NKAIN2: variants seen among roughly 807,000 people sequenced by gnomAD.
The protein encoded by NKAIN2 is sodium/potassium-transporting ATPase subunit beta-1-interacting protein 2.
Under a neutral mutation model 32.6 loss-of-function variants are expected in NKAIN2, and 14 were observed. That is an observed-to-expected ratio of 0.43 (90% CI 0.28 to 0.67). The LOEUF (loss-of-function observed/expected upper bound fraction) is 0.67, where lower values mean the gene tolerates loss of function less well. NKAIN2 is among the 30% of genes least tolerant of loss of function. NKAIN2 has a pLI of 0.17. For missense variants in NKAIN2, 198 were observed against 258.3 expected, an observed-to-expected ratio of 0.77 and a Z score of 1.60; for synonymous variants, 80 against 87.2, an observed-to-expected ratio of 0.92 and a Z score of 0.46.
At chr6:124,181,448 G>A (rs1365901977) in intron 1 of NKAIN2, among the ~76,000 whole-genome samples, 1 of 152,040 alleles carries the variant, frequency 6.6e-6, no homozygotes, top group Non-Finnish European at 1.5e-5. Flanking sequence ...ATGGGTTTTT[G>A]TTTTCTACCA....
At chr6:123,967,903 C>T (rs1344626625) in intron 1 of NKAIN2, among the ~76,000 whole-genome samples, 4 of 152,228 alleles carry the variant, frequency 2.6e-5, no homozygotes, top group Middle Eastern at 3.4e-3. Context: ...TATCTCAACA[C>T]TTAACTAATC....
At chr6:124,224,113 A>G (rs2758837) in intron 1 of NKAIN2, among the ~76,000 whole-genome samples, 105,557 of 152,004 alleles carry the variant, frequency 0.69, 36,900 homozygotes, top group South Asian at 0.76. Flanking sequence ...GGATGTGTGC[A>G]TAGACATATG....
At chr6:124,813,319 G>A (rs1301547548) in intron 5 of NKAIN2, among the ~76,000 whole-genome samples, 4 of 152,082 alleles carry the variant, frequency 2.6e-5, no homozygotes, top group Non-Finnish European at 4.4e-5. Context: ...TAATACTGTA[G>A]ATCCTTACAG....
chr6:124,725,831 C>T (rs942456078), intron 4 of NKAIN2, among the ~76,000 whole-genome samples: 22 of 152,146 alleles, frequency 1.4e-4, no homozygotes, highest in African/African-American at 4.8e-4. Flanking sequence ...AGACAGTGGG[C>T]GCAGGTCAGT....
chr6:124,334,016 G>T (rs1414395326), intron 2 of NKAIN2, among the ~76,000 whole-genome samples: 1 of 152,082 alleles, frequency 6.6e-6, no homozygotes, highest in African/African-American at 2.4e-5. Flanking sequence ...TATATTCCAT[G>T]ATAATTTACT....
At chr6:124,061,700 C>G (rs1339181311) in intron 1 of NKAIN2, among the ~76,000 whole-genome samples, 1 of 151,692 alleles carries the variant, frequency 6.6e-6, no homozygotes, top group Non-Finnish European at 1.5e-5. Flanking sequence ...TTAGAGTACT[C>G]ATACTGCTTA....
intron 1 of NKAIN2, among the ~76,000 whole-genome samples, chr6:123,878,226 C>CAA (rs72551956): frequency 0.019 from 2,779 of 149,168 alleles, 62 homozygotes; most frequent in African/African-American, 0.048. Flanking sequence ...AACTCCATCT[C>CAA]AAAAAAAAAA....
At chr6:123,908,450 C>G (rs1041185217) in intron 1 of NKAIN2, among the ~76,000 whole-genome samples, 1 of 152,116 alleles carries the variant, frequency 6.6e-6, no homozygotes, top group African/African-American at 2.4e-5. Context: ...TATTTTTAAG[C>G]TTTTTCAAAT....
chr6:124,655,561 G>A (rs1317422784), intron 3 of NKAIN2, among the ~76,000 whole-genome samples: 2 of 151,882 alleles, frequency 1.3e-5, no homozygotes, highest in African/African-American at 2.4e-5. Context: ...GTGTGCTTGG[G>A]ACTAAGGGGC....
intron 3 of NKAIN2, among the ~76,000 whole-genome samples, chr6:124,494,407 T>C (rs1462770945): frequency 6.6e-6 from 1 of 152,078 alleles, no homozygotes; most frequent in Non-Finnish European, 1.5e-5. Context: ...GTATTTCAAA[T>C]ATAAGGAGAT....
chr6:124,515,711 C>G lies in NKAIN2; in HGVS notation c.274-142475C>G, dbSNP rs79841590. On this transcript the variant is annotated intron_variant, in intron 3 of 6. Coordinates refer to ENST00000368417, the MANE Select transcript of NKAIN2 (RefSeq NM_001040214.3). ...TCCCTACTTCATTTTTCTTCGCTTT[C>G]TCTCCGTCTCGCTCTGTCGCCCAGG... 6.0e-5 allele frequency among the ~76,000 whole-genome samples: 4 copies of G among 67,098 alleles called. 2 individuals are homozygous for G. Among genetic ancestry groups the G allele is most frequent in the South Asian group, 9.0e-4 (2 of 2,210 alleles). The allele number at this position is 67,098 out of a possible 152,430, so 44.0% of individuals were successfully genotyped here.
intron 1 of NKAIN2, among the ~76,000 whole-genome samples, chr6:124,149,834 G>T (rs181995137): frequency 1.4e-4 from 21 of 147,690 alleles, no homozygotes; most frequent in Admixed American, 4.0e-4. Context: ...TTAGGTGACT[G>T]CCTGGCTCTA....
intron 2 of NKAIN2, among the ~76,000 whole-genome samples, chr6:124,284,845 G>A (rs1264282877): frequency 6.6e-6 from 1 of 151,924 alleles, no homozygotes; most frequent in Non-Finnish European, 1.5e-5. Context: ...TTAAAATAGA[G>A]CAAGGTGTTC....
At chr6:123,884,319 A>G (rs1773611907) in intron 1 of NKAIN2, among the ~76,000 whole-genome samples, 1 of 152,200 alleles carries the variant, frequency 6.6e-6, no homozygotes, top group African/African-American at 2.4e-5. Context: ...TCCATGGTGC[A>G]TATGTACCCC....
chr6:124,363,037 G>C (rs1405458913), intron 3 of NKAIN2, among the ~76,000 whole-genome samples: 2 of 152,090 alleles, frequency 1.3e-5, no homozygotes, highest in East Asian at 3.9e-4. Flanking sequence ...GTTTTGCAAT[G>C]TTCGCCAGGC....
Position 124,611,724 on chromosome 6 carries a change from TAAGAA to T in NKAIN2, c.274-46457_274-46453del, listed in dbSNP as rs1376479579. Among the ~76,000 whole-genome samples, 3 of 152,156 alleles carry T rather than the reference TAAGAA, an allele frequency of 2.0e-5. No homozygotes were observed. In the East Asian group the frequency reaches 5.8e-4, roughly 29 times the overall value. On this transcript the variant is annotated intron_variant, in intron 3 of 6. Transcript: ENST00000368417. ...TTGTTACTGTGTGTGTGTGTTTGTG[TAAGAA>T]AAGAGGTAAGTGTTTACTAGAAGAT...
chr6:124,817,227 T>G (rs1781203772), intron 5 of NKAIN2, among the ~76,000 whole-genome samples: 1 of 151,966 alleles, frequency 6.6e-6, no homozygotes, highest in Admixed American at 6.6e-5. Flanking sequence ...CTTAAAACAT[T>G]ATGAGATTTT....
intron 3 of NKAIN2, among the ~76,000 whole-genome samples, chr6:124,604,340 C>T (rs919664623): frequency 3.3e-5 from 5 of 151,918 alleles, no homozygotes; most frequent in South Asian, 2.1e-4. Context: ...GCTCCCTTTC[C>T]TTAGCTTATT....
At chr6:124,078,462 C>T (rs73563106) in intron 1 of NKAIN2, among the ~76,000 whole-genome samples, 10,918 of 152,108 alleles carry the variant, frequency 0.072, 554 homozygotes, top group East Asian at 0.23. Context: ...TATTATTGAG[C>T]TCATTTTACA....
Sources: gnomAD v4.1 joint callset for allele counts (sites outside exome capture counted in the v4.1 genomes callset) on GRCh38, gnomAD v4.1.1 for gene constraint, MANE v1.5 for transcripts, NCBI Gene and HGNC (gene_info 2026-07-23, HGNC 2026-07-21) for gene names.